The following CHD2 variants were observed in gnomAD, a reference collection of about 807,000 sequenced individuals.
The protein encoded by CHD2 is chromodomain helicase DNA binding protein 2.
Under a neutral mutation model 243.9 loss-of-function variants are expected in CHD2, and 28 were observed. That is an observed-to-expected ratio of 0.11 (90% CI 0.09 to 0.16). The LOEUF is 0.16. Ranked by LOEUF, CHD2 falls within the 10% of genes least tolerant of loss-of-function variation. The pLI, the probability that CHD2 is intolerant of heterozygous loss-of-function variation, is 1.00. For missense variants in CHD2, 1,386 were observed against 2,209.8 expected (o/e 0.63, Z 7.47); for synonymous variants, 775 against 779.0 (o/e 0.99, Z 0.09).
intron 5 of CHD2, among the ~76,000 whole-genome samples, chr15:92,936,118 G>A (rs955527367): frequency 5.9e-5 from 9 of 152,112 alleles, no homozygotes; most frequent in African/African-American, 2.2e-4. Context: ...ACCGTCCGTG[G>A]AAGGCCTGAA....
intron 16 of CHD2, among the ~76,000 whole-genome samples, chr15:92,962,465 C>CAT (rs1162654900): frequency 2.0e-5 from 3 of 151,696 alleles, no homozygotes; most frequent in African/African-American, 7.3e-5. Context: ...GTTTAATATC[C>CAT]ATATATTTAG....
At chr15:92,925,352 T>C (rs540084219) in intron 3 of CHD2, among the ~76,000 whole-genome samples, 2 of 152,324 alleles carry the variant, frequency 1.3e-5, no homozygotes, top group Non-Finnish European at 2.9e-5. Flanking sequence ...CTCCACATAG[T>C]AGATTTTTCA....
intron 12 of CHD2, chr15:92,947,136 T>TC (rs1367643599): frequency 3.9e-5 from 6 of 152,202 alleles, no homozygotes; most frequent in African/African-American, 1.4e-4. Context: ...GAAGTTGACA[T>TC]TCATGTTAAT....
chr15:92,928,658 T>G (rs2053109988), intron 4 of CHD2, among the ~76,000 whole-genome samples: 1 of 152,212 alleles, frequency 6.6e-6, no homozygotes, highest in Admixed American at 6.5e-5. Context: ...AAATAAAACT[T>G]CCATTTCTCA....
At chr15:92,937,710 C>A in intron 6 of CHD2, 85 bp downstream of exon 6, 1 of 978,394 alleles carries the variant, frequency 1.0e-6, no homozygotes, top group Non-Finnish European at 1.5e-6. Context: ...GAAATGAGAG[C>A]TTTAATGAGA....
chr15:92,952,368 C>T (rs533484976), intron 13 of CHD2, among the ~76,000 whole-genome samples: 3 of 152,148 alleles, frequency 2.0e-5, no homozygotes, highest in Non-Finnish European at 2.9e-5. Flanking sequence ...AAGCACATTA[C>T]ATTTATTGTG....
intron 37 of CHD2, among the ~76,000 whole-genome samples, chr15:93,018,628 T>C (rs1252610329): frequency 6.6e-6 from 1 of 152,204 alleles, no homozygotes; most frequent in East Asian, 1.9e-4. Context: ...GGAAGTCTGA[T>C]ATCAAGGTGT....
At position 92,993,013 on chromosome 15, in the gene CHD2, C is replaced by G. The variant is rs1567155774; in HGVS notation, c.3595+15C>G. 1 of 1,612,572 alleles carries G rather than the reference C, an allele frequency of 6.2e-7. No homozygotes were observed. The highest frequency in any genetic ancestry group is 2.2e-5 in the East Asian group (1 of 44,878). ...TGCCAGCGAGGGTAAGCGAAGTTGG[C>G]TTTAGTGAGTCTTCGCAACCTGGCA... On this transcript the variant is annotated intron_variant, in intron 28 of 38. Transcript: ENST00000394196.
At chr15:92,935,554 T>C (rs950429595) in intron 5 of CHD2, among the ~76,000 whole-genome samples, 3 of 152,086 alleles carry the variant, frequency 2.0e-5, no homozygotes, top group Non-Finnish European at 4.4e-5. Context: ...ATCTTTCTTA[T>C]CTGAAGGACT....
rs183442992 is a variant in CHD2, at chr15:92,983,384, C to T, written c.3067-946C>T. ...AATTCCTTACTGCATGAACCACTAA[C>T]GTATGTGCATATTTACATCAATCTT... On this transcript the variant is annotated intron_variant, in intron 24 of 38. Coordinates refer to ENST00000394196, the MANE Select transcript of CHD2 (RefSeq NM_001271.4). 6.6e-5 allele frequency among the ~76,000 whole-genome samples: 10 copies of T among 152,326 alleles called. No individual in the cohort carries two copies. In the East Asian group the frequency reaches 1.9e-3, roughly 29 times the overall value.
At chr15:92,932,399 C>T (rs527649912) in intron 5 of CHD2, among the ~76,000 whole-genome samples, 5 of 150,826 alleles carry the variant, frequency 3.3e-5, no homozygotes, top group South Asian at 4.2e-4. Flanking sequence ...CCCGTTAACT[C>T]GTCATTTACA....
intron 2 of CHD2, among the ~76,000 whole-genome samples, chr15:92,910,854 T>A (rs1280889760): frequency 6.6e-6 from 1 of 152,206 alleles, no homozygotes; most frequent in African/African-American, 2.4e-5. Flanking sequence ...CGTTAGGTGA[T>A]CTTGTAGTTG....
At chr15:92,943,552 A>G (rs1466628329) in intron 9 of CHD2, 1 of 161,056 alleles carries the variant, frequency 6.2e-6, no homozygotes, top group Non-Finnish European at 1.4e-5. Context: ...CTGGTTTTAT[A>G]CAATTTGCAG....
At chr15:92,982,454 C>T (rs1425227231) in intron 24 of CHD2, among the ~76,000 whole-genome samples, 1 of 152,130 alleles carries the variant, frequency 6.6e-6, no homozygotes, top group East Asian at 1.9e-4. Context: ...TGACTTTCTC[C>T]AGCAATACTT....
chr15:93,024,797 T>G lies in CHD2; in HGVS notation c.*92T>G. ...GTAGCCGGTTATCTAGACCAGTAAG[T>G]GGAGTTTTGGACATGCTGCTGCTGT... On this transcript the variant is annotated 3_prime_UTR_variant, in exon 39 of 39. Coordinates refer to ENST00000394196, the MANE Select transcript of CHD2 (RefSeq NM_001271.4). 9.1e-7 allele frequency: 1 copy of G among 1,096,812 alleles called. No homozygotes were observed. The highest frequency in any genetic ancestry group is 1.3e-6 in the Non-Finnish European group (1 of 771,276). The allele number at this position is 1,096,812 out of a possible 1,614,324, so 67.9% of individuals were successfully genotyped here.
intron 31 of CHD2, among the ~76,000 whole-genome samples, 189 bp from the exon 32 acceptor site, chr15:93,000,323 G>A (rs2054238470): frequency 1.3e-5 from 2 of 152,034 alleles, no homozygotes; most frequent in South Asian, 4.1e-4. Flanking sequence ...CCATGTATAA[G>A]GCCTATAGGT....
chr15:92,922,925 C>T (rs924569483), intron 2 of CHD2, among the ~76,000 whole-genome samples: 1 of 152,076 alleles, frequency 6.6e-6, no homozygotes, highest in African/African-American at 2.4e-5. Context: ...CTGTTTTGTT[C>T]CTTTAGATGA....
chr15:92,980,214 T>C (rs1191256240), intron 22 of CHD2, among the ~76,000 whole-genome samples: 1 of 89,916 alleles, frequency 1.1e-5, no homozygotes, highest in Non-Finnish European at 2.3e-5. Flanking sequence ...CTAGCTAATT[T>C]TTTTTTTCTT....
At chr15:92,978,985 G>T (rs2053943319) in intron 21 of CHD2, 150 bp from the exon 22 acceptor site, 1 of 947,320 alleles carries the variant, frequency 1.1e-6, no homozygotes, top group Non-Finnish European at 1.5e-6. Flanking sequence ...TAAGCTGCCT[G>T]CTTGGATGGC....
Sources: gnomAD v4.1 joint callset for allele counts (sites outside exome capture counted in the v4.1 genomes callset) on GRCh38, gnomAD v4.1.1 for gene constraint, MANE v1.5 for transcripts, NCBI Gene and HGNC (gene_info 2026-07-23, HGNC 2026-07-21) for gene names.